Variants in TMEM68 observed in about 807,000 individuals in gnomAD.
The protein encoded by TMEM68 is transmembrane protein 68.
TMEM68 carries 25 observed loss-of-function variants against 36.9 expected under a neutral mutation model. The observed-to-expected ratio is 0.68, with a 90% CI of 0.49 to 0.95. The LOEUF (loss-of-function observed/expected upper bound fraction) is 0.95, where lower values mean the gene tolerates loss of function less well. Among genes scored for constraint, TMEM68 ranks in the 40% least tolerant of loss-of-function variants. The pLI, the probability that TMEM68 is intolerant of heterozygous loss-of-function variation, is 0.00. For missense variants in TMEM68, 333 were observed against 392.0 expected (o/e 0.85, Z 1.27); for synonymous variants, 131 against 124.4 (o/e 1.05, Z -0.35).
intron 7 of TMEM68, among the ~76,000 whole-genome samples, chr8:55,741,432 T>A (rs1423349894): frequency 6.6e-6 from 1 of 152,186 alleles, no homozygotes; most frequent in African/African-American, 2.4e-5. Context: ...ATTCGAAAAA[T>A]ATTAGATGCT....
chr8:55,755,591 CTT>C (rs10537043), intron 4 of TMEM68, among the ~76,000 whole-genome samples: 116,070 of 148,576 alleles, frequency 0.78, 45,885 homozygotes, highest in East Asian at 0.95. Flanking sequence ...TATATCATGA[CTT>C]TTTTTTTTTT....
At chr8:55,741,436 A>G (rs1810100100) in intron 7 of TMEM68, among the ~76,000 whole-genome samples, 1 of 152,232 alleles carries the variant, frequency 6.6e-6, no homozygotes, top group Non-Finnish European at 1.5e-5. Context: ...GAAAAATATT[A>G]GATGCTTTGG....
At chr8:55,763,181 A>G (rs547705557) in intron 2 of TMEM68, among the ~76,000 whole-genome samples, 153 bp from the exon 3 acceptor site, 6 of 152,368 alleles carry the variant, frequency 3.9e-5, no homozygotes, top group Admixed American at 3.9e-4. Flanking sequence ...TGTGAAAATT[A>G]TAAGGTTTCA....
chr8:55,754,663 A>T lies in TMEM68; in HGVS notation c.493+1581T>A, dbSNP rs546885414. The stretch of plus-strand genomic sequence containing the variant: ...TAATATATATTTATATTATATATAA[A>T]ATACATATATTATGTAATATATATT... On this transcript the variant is annotated intron_variant, in intron 4 of 7. Transcript: ENST00000434581. 4.7e-3 allele frequency among the ~76,000 whole-genome samples: 629 copies of T among 132,714 alleles called. 7 individuals carry two copies. The highest frequency in any genetic ancestry group is 0.041 in the Middle Eastern group (11 of 270). The allele number at this position is 132,714 out of a possible 152,430, so 87.1% of individuals were successfully genotyped here.
At chr8:55,766,764 G>A (rs1248792846) in intron 1 of TMEM68, among the ~76,000 whole-genome samples, 2 of 152,140 alleles carry the variant, frequency 1.3e-5, no homozygotes, top group Non-Finnish European at 2.9e-5. Flanking sequence ...GGTTTTAAGT[G>A]GCTGCTGTGT....
At chr8:55,750,893 G>T in intron 5 of TMEM68, 71 bp downstream of exon 5, 4 of 1,437,102 alleles carry the variant, frequency 2.8e-6, no homozygotes, top group African/African-American at 1.5e-5. Flanking sequence ...TATACAATTT[G>T]GCTCATTACT....
chr8:55,765,406 A>C (rs1390154947), intron 1 of TMEM68, among the ~76,000 whole-genome samples: 1 of 152,190 alleles, frequency 6.6e-6, no homozygotes, highest in Non-Finnish European at 1.5e-5. Flanking sequence ...TACTGACAAC[A>C]CCATGTACGG....
In TMEM68 at chr8:55,755,699, T is replaced by G. The variant is rs372807592; in HGVS notation, c.493+545A>C. 8.5e-5 allele frequency among the ~76,000 whole-genome samples: 13 copies of G among 152,160 alleles called. No individual in the cohort carries two copies. The East Asian group carries it at 9.6e-4, about 11-fold the overall frequency. The stretch of plus-strand genomic sequence containing the variant: ...AATCAGTATTTCATGAAAAAATTCA[T>G]TATGTGAAAAATCAACTATGCGCTA... On this transcript the variant is annotated intron_variant, in intron 4 of 7. Transcript: ENST00000434581.
At chr8:55,772,536 T>C (rs1474028229) in intron 1 of TMEM68, among the ~76,000 whole-genome samples, 1 of 152,204 alleles carries the variant, frequency 6.6e-6, no homozygotes, top group Non-Finnish European at 1.5e-5. Context: ...CAGAGACCTG[T>C]TTTACAGGCT....
At chr8:55,743,385 A>G in intron 7 of TMEM68, 96 bp downstream of exon 7, 1 of 1,400,476 alleles carries the variant, frequency 7.1e-7, no homozygotes, top group Non-Finnish European at 9.4e-7. Flanking sequence ...TGACCTAGAC[A>G]TGCTTGTAGA....
chr8:55,762,427 G>A (rs117049460), intron 3 of TMEM68: 71 of 917,722 alleles, frequency 7.7e-5, no homozygotes, highest in Non-Finnish European at 1.0e-4. Flanking sequence ...GTGGTTCTTT[G>A]TTTAATGGAA....
intron 4 of TMEM68, chr8:55,751,586 C>T (rs1029717305): frequency 2.5e-6 from 1 of 397,092 alleles, no homozygotes; most frequent in Non-Finnish European, 4.9e-6. Flanking sequence ...GTGAATCAAA[C>T]TACGCTTAGC....
At position 55,763,142 on chromosome 8, in the gene TMEM68, T is replaced by C. The variant is rs1399559677; in HGVS notation, c.-69-114A>G. On this transcript the variant is annotated intron_variant, in intron 2 of 7. Transcript: ENST00000434581. ...CTTAATACCCAAAATGAGTAGATGG[T>C]TAATGGTTAACTTTGTTGCAGATTT... The C allele has an allele frequency of 2.7e-5, 14 of 521,666 alleles. 1 individual carries two copies. In the South Asian group the frequency reaches 5.3e-4, roughly 20 times the overall value. The allele number at this position is 521,666 out of a possible 1,614,324, so 32.3% of individuals were successfully genotyped here.
intron 1 of TMEM68, among the ~76,000 whole-genome samples, chr8:55,771,206 G>A (rs1274654280): frequency 6.6e-6 from 1 of 151,712 alleles, no homozygotes; most frequent in Non-Finnish European, 1.5e-5. Context: ...TGACATTGAT[G>A]GTGAGGATAT....
At chr8:55,752,310 G>A (rs536312404) in intron 4 of TMEM68, among the ~76,000 whole-genome samples, 25 of 152,212 alleles carry the variant, frequency 1.6e-4, no homozygotes, top group African/African-American at 6.0e-4. Flanking sequence ...TTGTCAGACC[G>A]GGTGTGGTGG....
At chr8:55,762,484 GC>G in intron 3 of TMEM68, 150 bp downstream of exon 3, 1 of 1,417,848 alleles carries the variant, frequency 7.1e-7, no homozygotes, top group Non-Finnish European at 9.4e-7. Context: ...ACATACATAT[GC>G]ACAATGCATG....
Position 55,769,445 on chromosome 8 carries a change from G to A in TMEM68, c.-115+3824C>T, listed in dbSNP as rs139676803. ...AGATAATTGTTAGAGCTCTGTCCTT[G>A]ACTAGGCCAAAGGGGACAGGATACA... On this transcript the variant is annotated intron_variant, in intron 1 of 7. Transcript: ENST00000434581. Among the ~76,000 whole-genome samples, 111 of 152,072 alleles carry A rather than the reference G, an allele frequency of 7.3e-4. 1 individual carries two copies. The highest frequency in any genetic ancestry group is 2.6e-3 in the African/African-American group (107 of 41,492).
In TMEM68 at chr8:55,739,207, T is replaced by C. The variant is rs1347033198; in HGVS notation, c.*925A>G. On this transcript the variant is annotated 3_prime_UTR_variant, in exon 8 of 8. Coordinates refer to ENST00000434581, the MANE Select transcript of TMEM68 (RefSeq NM_001286657.2). ...TCACTGGCTGTAGAGTCAAACTGGG[T>C]AAGCCTCAATATTGAGCAAAAGTAG... 1 of 152,672 alleles carries C rather than the reference T, an allele frequency of 6.5e-6. No individual in the cohort carries two copies. Among genetic ancestry groups the C allele is most frequent in the Non-Finnish European group, 1.5e-5 (1 of 68,050 alleles). The allele number at this position is 152,672 out of a possible 1,614,324, so 9.5% of individuals were successfully genotyped here.
At position 55,756,411 on chromosome 8, in the gene TMEM68, C is replaced by T. The variant is rs1158902766; in HGVS notation, c.326G>A (p.Gly109Asp). The T allele has an allele frequency of 6.4e-7, 1 of 1,562,132 alleles. No individual in the cohort carries two copies. Among genetic ancestry groups the T allele is most frequent in the Non-Finnish European group, 8.6e-7 (1 of 1,163,150 alleles). ...LWDGHAAVWH[G>D]YEVHGMEKIP... ...TTTTTCCATTCCATGAACTTCATAA[C>T]CTGTTTGAATGACAAAATGCAAATA... The change falls in exon 4 of 8, where the codon GGT becomes GAT. Residue 109 changes from glycine to aspartate, a missense_variant and splice_region_variant. By Grantham distance (94) the Gly-to-Asp change is moderately conservative (BLOSUM62 -1). Transcript: ENST00000434581.
Sources: gnomAD v4.1 joint callset for allele counts (sites outside exome capture counted in the v4.1 genomes callset) on GRCh38, gnomAD v4.1.1 for gene constraint, MANE v1.5 for transcripts, NCBI Gene and HGNC (gene_info 2026-07-23, HGNC 2026-07-21) for gene names.